Variants in SUMF1 observed in about 807,000 individuals in gnomAD.
The protein encoded by SUMF1 is formylglycine-generating enzyme.
A neutral mutation model predicts 47.6 loss-of-function variants in SUMF1; 48 were observed. The observed-to-expected ratio is 1.01, with a 90% CI of 0.80 to 1.28. SUMF1 has a LOEUF of 1.28. Among genes scored for constraint, SUMF1 ranks in the 50% most tolerant of loss-of-function variants. The probability of loss-of-function intolerance (pLI) is 0.00; values close to 1 mark genes in which losing one functional copy is unlikely to be tolerated. For synonymous variants in SUMF1, 230 were observed against 192.1 expected (o/e 1.20, Z -1.63); for missense variants, 571 against 485.4 (o/e 1.18, Z -1.66).
At chr3:4,133,002 G>T (rs932300121) in intron 8 of SUMF1, among the ~76,000 whole-genome samples, 3 of 152,224 alleles carry the variant, frequency 2.0e-5, no homozygotes, top group Non-Finnish European at 2.9e-5. Flanking sequence ...ACCACAACCT[G>T]CTTAGGTGCT....
chr3:4,175,247 C>G (rs1286549644), intron 8 of SUMF1, among the ~76,000 whole-genome samples: 1 of 152,182 alleles, frequency 6.6e-6, no homozygotes, highest in Admixed American at 6.5e-5. Flanking sequence ...GCCCCTGACC[C>G]CCGTGTAGCC....
chr3:4,423,627 G>A (rs1701977695), intron 3 of SUMF1, among the ~76,000 whole-genome samples: 1 of 152,136 alleles, frequency 6.6e-6, no homozygotes, highest in African/African-American at 2.4e-5. Context: ...ATATTAAATA[G>A]TTTTAAAAGT....
intron 3 of SUMF1, among the ~76,000 whole-genome samples, chr3:4,430,583 C>T (rs748150365): frequency 1.5e-4 from 23 of 152,024 alleles, no homozygotes; most frequent in Non-Finnish European, 3.2e-4. Context: ...AGAATAGGTT[C>T]ATGATGCTAT....
At chr3:4,146,059 T>C (rs1448739939) in intron 8 of SUMF1, among the ~76,000 whole-genome samples, 1 of 152,164 alleles carries the variant, frequency 6.6e-6, no homozygotes, top group Non-Finnish European at 1.5e-5. Context: ...AGGCAAGTAC[T>C]TGACCTTCAC....
intron 9 of SUMF1, among the ~76,000 whole-genome samples, chr3:4,063,266 A>T (rs1695303303): frequency 6.6e-6 from 1 of 152,204 alleles, no homozygotes; most frequent in African/African-American, 2.4e-5. Flanking sequence ...TACAACCCAG[A>T]CCACTATAAC....
intron 8 of SUMF1, among the ~76,000 whole-genome samples, chr3:4,095,629 G>A (rs1230549901): frequency 6.6e-6 from 1 of 152,016 alleles, no homozygotes; most frequent in African/African-American, 2.4e-5. Flanking sequence ...ACAAGATGCT[G>A]TTACACCAAC....
intron 8 of SUMF1, among the ~76,000 whole-genome samples, chr3:4,092,887 G>A (rs759273777): frequency 1.3e-5 from 2 of 152,034 alleles, no homozygotes; most frequent in Non-Finnish European, 2.9e-5. Flanking sequence ...TGGAAGAAAT[G>A]GTTAGAAAAG....
intron 8 of SUMF1, among the ~76,000 whole-genome samples, chr3:4,176,218 C>G (rs1191866935): frequency 1.3e-5 from 2 of 152,050 alleles, no homozygotes; most frequent in Admixed American, 1.3e-4. Context: ...AGAAGAGCAA[C>G]CCCAAGACAC....
chr3:4,116,897 G>A (rs1400706223), intron 8 of SUMF1, among the ~76,000 whole-genome samples: 1 of 152,012 alleles, frequency 6.6e-6, no homozygotes, highest in African/African-American at 2.4e-5. Context: ...TCAGGGATGT[G>A]GGATTGCAAA....
chr3:4,380,569 C>G (rs1700472317), intron 7 of SUMF1, among the ~76,000 whole-genome samples: 2 of 152,086 alleles, frequency 1.3e-5, no homozygotes, highest in South Asian at 2.1e-4. Flanking sequence ...ATCCTTTGCA[C>G]TTAAAATGAA....
chr3:4,416,284 G>A (rs1258334781), intron 6 of SUMF1, among the ~76,000 whole-genome samples: 1 of 151,780 alleles, frequency 6.6e-6, no homozygotes, highest in Non-Finnish European at 1.5e-5. Context: ...TAATATTTAT[G>A]TACAAGATGT....
chr3:4,276,744 C>T (rs964622613), intron 8 of SUMF1, among the ~76,000 whole-genome samples: 1 of 152,176 alleles, frequency 6.6e-6, no homozygotes, highest in Non-Finnish European at 1.5e-5. Flanking sequence ...AATATGGCTT[C>T]ATAGGCTTTA....
intron 8 of SUMF1, among the ~76,000 whole-genome samples, chr3:4,110,800 A>G (rs1484196253): frequency 7.4e-6 from 1 of 134,322 alleles, no homozygotes; most frequent in African/African-American, 2.8e-5. Context: ...CAATGAGAAC[A>G]CTTGGACACA....
intron 8 of SUMF1, among the ~76,000 whole-genome samples, chr3:4,246,416 G>GTTTTT (rs1168539144): frequency 6.6e-6 from 1 of 151,780 alleles, no homozygotes; most frequent in Admixed American, 6.6e-5. Flanking sequence ...TTTTGTTTTT[G>GTTTTT]TTTTTGACAG....
intron 3 of SUMF1, among the ~76,000 whole-genome samples, chr3:4,429,776 C>T (rs1039035256): frequency 2.6e-5 from 4 of 152,064 alleles, no homozygotes; most frequent in African/African-American, 9.7e-5. Context: ...CCAATCTCAG[C>T]CCACAGCCAC....
At chr3:4,182,566 A>G (rs568997903) in intron 8 of SUMF1, among the ~76,000 whole-genome samples, 2 of 152,196 alleles carry the variant, frequency 1.3e-5, no homozygotes, top group African/African-American at 4.8e-5. Context: ...CCAAAGAGCT[A>G]GAATAGTTCA....
intron 8 of SUMF1, among the ~76,000 whole-genome samples, chr3:4,236,833 T>A (rs1696420624): frequency 6.6e-6 from 1 of 152,128 alleles, no homozygotes; most frequent in African/African-American, 2.4e-5. Context: ...AAACGTATAA[T>A]GACAAACCAT....
chr3:4,190,359 A>G (rs1695289180), intron 8 of SUMF1, among the ~76,000 whole-genome samples: 1 of 152,156 alleles, frequency 6.6e-6, no homozygotes, highest in Non-Finnish European at 1.5e-5. Context: ...GCAGCTCCAC[A>G]TTACCACGTA....
At chr3:4,189,552 G>A (rs1559550685) in intron 8 of SUMF1, among the ~76,000 whole-genome samples, 1 of 152,064 alleles carries the variant, frequency 6.6e-6, no homozygotes, top group Admixed American at 6.6e-5. Flanking sequence ...ACTAAATAGG[G>A]TTTCAGTTCA....
Sources: allele counts gnomAD v4.1 joint callset (sites outside exome capture counted in the v4.1 genomes callset), GRCh38; gene constraint gnomAD v4.1.1; transcripts MANE v1.5; gene names NCBI Gene and HGNC (gene_info 2026-07-23, HGNC 2026-07-21).